PAPOLB: variants seen among roughly 807,000 people sequenced by gnomAD.
PAPOLB encodes poly(A) polymerase beta.
In PAPOLB, 19 loss-of-function variants were observed where a neutral mutation model predicts 23.2. The observed-to-expected ratio is 0.82, with a 90% CI of 0.57 to 1.20. The LOEUF (loss-of-function observed/expected upper bound fraction) is 1.20, where lower values mean the gene tolerates loss of function less well. Ranked by LOEUF, PAPOLB falls within the 50% of genes most tolerant of loss-of-function variation. The probability of loss-of-function intolerance (pLI) is 0.00; values close to 1 mark genes in which losing one functional copy is unlikely to be tolerated. For synonymous variants in PAPOLB, 360 were observed against 290.7 expected, an observed-to-expected ratio of 1.24 and a Z score of -2.43; for missense variants, 822 against 776.8, an observed-to-expected ratio of 1.06 and a Z score of -0.69.
Position 4,861,508 on chromosome 7 carries a change from A to C in PAPOLB, c.303T>G (p.Phe101Leu). The C allele has an allele frequency of 6.2e-7, 1 of 1,614,088 alleles. No homozygotes were observed. The change falls in exon 1 of 1, where the codon TTT (phenylalanine) becomes TTG (leucine). Residue 101 changes from phenylalanine to leucine, a missense_variant. By Grantham distance (22) the Phe-to-Leu change is conservative (BLOSUM62 0). Transcript: ENST00000404991. The part of the protein sequence containing the change: ...IENVGGKIFT[F>L]GSYRLGVHTK... ...TATGTACTCCTAATCTGTAAGAGCC[A>C]AACGTAAAAATCTTTCCTCCAACGT...
rs956413877 is a variant in PAPOLB at position 4,862,028 on chromosome 7, C to A, written c.-218G>T. The A allele has an allele frequency of 2.2e-5, 9 of 415,602 alleles. No individual in the cohort carries two copies. In the Admixed American group the frequency reaches 3.3e-4, roughly 15 times the overall value. The allele number at this position is 415,602 out of a possible 1,614,324, so 25.7% of individuals were successfully genotyped here. On this transcript the variant is annotated 5_prime_UTR_variant, in exon 1 of 1. Coordinates refer to ENST00000404991, the MANE Select transcript of PAPOLB (RefSeq NM_020144.5). Reference sequence around the variant, plus strand: ...ACCCCTCAGCGGCTGCGTTCCAGAACCTACCGTACACGCGCGGGCGCCTGC... The same window carrying A: ...ACCCCTCAGCGGCTGCGTTCCAGAAACTACCGTACACGCGCGGGCGCCTGC...
At position 4,860,881 on chromosome 7, in the gene PAPOLB, C is replaced by CCT; in HGVS notation, c.928_929dup (p.Tyr311GlyfsTer29). On this transcript the variant is annotated frameshift_variant, in exon 1 of 1. Transcript: ENST00000404991. LOFTEE classifies it high-confidence loss of function. ...GTGTGATGATAGGCATAAGATGGTACCTATCACTGGGATTTACTCTTGGGT... is the reference window on the plus strand; with the variant it reads ...GTGTGATGATAGGCATAAGATGGTACCTCTATCACTGGGATTTACTCTTGGGT... The CCT allele has an allele frequency of 6.2e-7, 1 of 1,614,156 alleles. No individual in the cohort carries two copies. Among genetic ancestry groups the CCT allele is most frequent in the Non-Finnish European group, 8.5e-7 (1 of 1,180,032 alleles).
chr7:4,861,052 T>C lies in PAPOLB; in HGVS notation c.759A>G (p.Leu253=), dbSNP rs145411847. The stretch of plus-strand genomic sequence containing the variant: ...GATAAAGCTGACAAGTTCTTGCTAC[T>C]AGCATGGCCCAGGAAACACCTCCGA... ...GFLGGVSWAM[L]VARTCQLYPN... is the part of the protein sequence containing the mutation. Residue 253 remains leucine (L), a synonymous_variant, in exon 1 of 1, where the codon CTA becomes CTG. Transcript: ENST00000404991. 8.0e-4 allele frequency: 1,294 copies of C among 1,614,204 alleles called. 11 individuals are homozygous for C. In the African/African-American group the frequency reaches 0.014, roughly 17 times the overall value.
chr7:4,860,974 T>C lies in PAPOLB; in HGVS notation c.837A>G (p.Glu279=), dbSNP rs1047476283. ...GTAACACTGGGTTTGGCCATTCCCA[T>C]TCTGAAAATACCAAGAAGAATTTCC... ...LVRKFFLVFS[E]WEWPNPVLLK... The change falls in exon 1 of 1, where the codon GAA becomes GAG. Residue 279 remains glutamate, a synonymous_variant. Transcript: ENST00000404991. The C allele has an allele frequency of 6.2e-7, 1 of 1,614,228 alleles. No individual in the cohort carries two copies. Among genetic ancestry groups the C allele is most frequent in the Non-Finnish European group, 8.5e-7 (1 of 1,180,044 alleles).
Position 4,861,813 on chromosome 7 carries a change from T to A in PAPOLB, c.-3A>T. 7.4e-7 allele frequency: 1 copy of A among 1,348,314 alleles called. No homozygotes were observed. The highest frequency in any genetic ancestry group is 9.5e-7 in the Non-Finnish European group (1 of 1,054,174). The allele number at this position is 1,348,314 out of a possible 1,614,324, so 83.5% of individuals were successfully genotyped here. On this transcript the variant is annotated 5_prime_UTR_variant, in exon 1 of 1. Coordinates refer to ENST00000404991, the MANE Select transcript of PAPOLB (RefSeq NM_020144.5). ...GTTGTCACCGGAAACGGCATCATCT[T>A]TCAGCGCCCGCCCCGCCAGGGCACG...
Position 4,859,842 on chromosome 7 carries a change from T to A in PAPOLB, c.*55A>T. 1 of 1,127,152 alleles carries A rather than the reference T, an allele frequency of 8.9e-7. No homozygotes were observed. The highest frequency in any genetic ancestry group is 2.4e-5 in the East Asian group (1 of 42,386). 69.8% of individuals were successfully genotyped at this position (1,127,152 alleles called of 1,614,324 possible). A position where few individuals can be genotyped will look rare whatever the true frequency, so the allele number is the denominator to read the frequency against. ...TGTATTGAGTTTCTCCTCTTCCGTT[T>A]TGGTTTTCTTGGTCCTTTCTTCTTT... On this transcript the variant is annotated 3_prime_UTR_variant, in exon 1 of 1. Coordinates refer to ENST00000404991, the MANE Select transcript of PAPOLB (RefSeq NM_020144.5).
Position 4,861,868 on chromosome 7 carries a change from C to T in PAPOLB, c.-58G>A. 2 of 1,242,850 alleles carry T rather than the reference C, an allele frequency of 1.6e-6. No individual in the cohort carries two copies. Among genetic ancestry groups the T allele is most frequent in the South Asian group, 1.9e-5 (1 of 53,062 alleles). The allele number at this position is 1,242,850 out of a possible 1,614,324, so 77.0% of individuals were successfully genotyped here. ...CCACCACCGCGACCTTCGCGGCCGC[C>T]GCCCGGGTCATGATCCGCTGAGGCG... On this transcript the variant is annotated 5_prime_UTR_variant, in exon 1 of 1. Transcript: ENST00000404991.
At position 4,861,263 on chromosome 7, in the gene PAPOLB, A is replaced by C; in HGVS notation, c.548T>G (p.Leu183Trp). Residue 183 changes from leucine (L) to tryptophan (W), a missense_variant, in exon 1 of 1, where the codon TTG (leucine) becomes TGG (tryptophan). Physicochemically the swap from Leu to Trp is moderately conservative, Grantham distance 61. This residue lies in a region of PAPOLB where 276 missense variants were observed against 243.9 expected (regional missense o/e 1.13). Transcript: ENST00000404991. ...RLALQTIPED[L>W]DLRDDSLLKN... is the part of the protein sequence containing the mutation. Reference sequence around the variant, plus strand: ...AAGTAGACTGTCATCTCTTAAGTCCAAATCTTCTGGAATAGTCTGTAGTGC... The same window carrying C: ...AAGTAGACTGTCATCTCTTAAGTCCCAATCTTCTGGAATAGTCTGTAGTGC... 6.8e-6 allele frequency: 11 copies of C among 1,614,162 alleles called. No individual in the cohort carries two copies. Among genetic ancestry groups the C allele is most frequent in the Non-Finnish European group, 7.6e-6 (9 of 1,179,988 alleles).
rs1160961865 is a variant in PAPOLB, at chr7:4,859,806, G to T, written c.*91C>A. ...CTGTCTGAATTTTTCTAATGGAGTTGTACTTGTCTTTGTATTGAGTTTCTC... is the reference window on the plus strand; with the variant it reads ...CTGTCTGAATTTTTCTAATGGAGTTTTACTTGTCTTTGTATTGAGTTTCTC... On this transcript the variant is annotated 3_prime_UTR_variant, in exon 1 of 1. Transcript: ENST00000404991. The T allele has an allele frequency of 2.7e-6, 2 of 749,854 alleles. No individual in the cohort carries two copies. Among genetic ancestry groups the T allele is most frequent in the Admixed American group, 5.5e-5 (2 of 36,648 alleles). The allele number at this position is 749,854 out of a possible 1,614,324, so 46.5% of individuals were successfully genotyped here. A position where few individuals can be genotyped will look rare whatever the true frequency, so the allele number is the denominator to read the frequency against.
In PAPOLB at chr7:4,860,290, T is replaced by C; in HGVS notation, c.1521A>G (p.Lys507=). 6.2e-7 allele frequency: 1 copy of C among 1,613,942 alleles called. No individual in the cohort carries two copies. Among genetic ancestry groups the C allele is most frequent in the South Asian group, 1.1e-5 (1 of 91,084 alleles). ...LLPHHVLQDK[K]AHSTEGRRLT... ...ATCTTCTACCTTCTGTTGAGTGTGC[T>C]TTCTTGTCCTGAAGCACATGATGAG... Residue 507 remains lysine, a synonymous_variant, in exon 1 of 1, where the codon AAA becomes AAG. Coordinates refer to ENST00000404991, the MANE Select transcript of PAPOLB (RefSeq NM_020144.5).
At position 4,860,134 on chromosome 7, in the gene PAPOLB, G is replaced by A. The variant is rs1484866476; in HGVS notation, c.1677C>T (p.Ala559=). 1 of 1,613,970 alleles carries A rather than the reference G, an allele frequency of 6.2e-7. No individual in the cohort carries two copies. The change falls in exon 1 of 1, where the codon GCC becomes GCT. Residue 559 remains alanine (A), a synonymous_variant. Transcript: ENST00000404991. ...ISSSQGRNSP[A]LAVMTASVAN... The stretch of plus-strand genomic sequence containing the variant: ...CCACAGATGCTGTCATTACAGCCAA[G>A]GCAGGACTGTTTCTACCCTGAGAAC...
Position 4,861,418 on chromosome 7 carries a change from G to A in PAPOLB, c.393C>T (p.Phe131=), listed in dbSNP as rs766581708. Residue 131 remains phenylalanine, a synonymous_variant, in exon 1 of 1, where the codon TTC becomes TTT. Coordinates refer to ENST00000404991, the MANE Select transcript of PAPOLB (RefSeq NM_020144.5). ...GTTTCAGTTTAGCATAGAATGAGGTGAAAAAGTCGCTTCGATCCACATGAC... is the reference window on the plus strand; with the variant it reads ...GTTTCAGTTTAGCATAGAATGAGGTAAAAAAGTCGCTTCGATCCACATGAC... ...APSHVDRSDF[F]TSFYAKLKLQ... The A allele has an allele frequency of 5.0e-6, 8 of 1,613,998 alleles. No homozygotes were observed. Among genetic ancestry groups the A allele is most frequent in the African/African-American group, 1.3e-5 (1 of 74,938 alleles).
At position 4,860,769 on chromosome 7, in the gene PAPOLB, T is replaced by A; in HGVS notation, c.1042A>T (p.Ile348Phe). The A allele has an allele frequency of 6.2e-7, 1 of 1,614,218 alleles. No individual in the cohort carries two copies. The highest frequency in any genetic ancestry group is 1.1e-5 in the South Asian group (1 of 91,082). ...TTACTTAGCAAAATCTCGTGTGTGA[T>A]AGCAAGCCCCTGTTTAAACTCCTCA... ...MIEEFKQGLAITHEILLSKAE... is the reference protein window; with the variant it reads ...MIEEFKQGLAFTHEILLSKAE... Residue 348 changes from isoleucine (I) to phenylalanine (F), a missense_variant, in exon 1 of 1, where the codon ATC becomes TTC. Transcript: ENST00000404991.
chr7:4,859,696 G>T lies in PAPOLB; in HGVS notation c.*201C>A. ...ATTCAACCTGTTTTACTGAATTCTT[G>T]ATAACAGGAATTGGATTTGCAGGGA... On this transcript the variant is annotated 3_prime_UTR_variant, in exon 1 of 1. Coordinates refer to ENST00000404991, the MANE Select transcript of PAPOLB (RefSeq NM_020144.5). 1.7e-6 allele frequency: 1 copy of T among 579,374 alleles called. No individual in the cohort carries two copies. The highest frequency in any genetic ancestry group is 3.1e-6 in the Non-Finnish European group (1 of 326,704). The allele number at this position is 579,374 out of a possible 1,614,324, so 35.9% of individuals were successfully genotyped here.
In PAPOLB at chr7:4,858,956, A is replaced by G. The variant is rs1218628963; in HGVS notation, c.*941T>C. The G allele has an allele frequency of 6.6e-6, 1 of 152,242 alleles. No homozygotes were observed. Among genetic ancestry groups the G allele is most frequent in the African/African-American group, 2.4e-5 (1 of 41,472 alleles). The allele number at this position is 152,242 out of a possible 1,614,324, so 9.4% of individuals were successfully genotyped here. A position where few individuals can be genotyped will look rare whatever the true frequency, so the allele number is the denominator to read the frequency against. On this transcript the variant is annotated 3_prime_UTR_variant, in exon 1 of 1. Coordinates refer to ENST00000404991, the MANE Select transcript of PAPOLB (RefSeq NM_020144.5). ...GAGGACAAGAGAATATGGAGCTTTG[A>G]TAGCTCAAAGAAAATGTTTGATTGC...
rs185455014 is a variant in PAPOLB at position 4,860,769 on chromosome 7, T to C, written c.1042A>G (p.Ile348Val). The change falls in exon 1 of 1, where the codon ATC becomes GTC. Residue 348 changes from isoleucine to valine, a missense_variant. Ile to Val is a conservative substitution (Grantham distance 29, BLOSUM62 3). This residue lies in a region of PAPOLB where 534 missense variants were observed against 502.8 expected (regional missense o/e 1.06). Transcript: ENST00000404991. ...TTACTTAGCAAAATCTCGTGTGTGA[T>C]AGCAAGCCCCTGTTTAAACTCCTCA... The part of the protein sequence containing the change: ...MIEEFKQGLA[I>V]THEILLSKAE... 13 of 1,614,218 alleles carry C rather than the reference T, an allele frequency of 8.1e-6. No individual in the cohort carries two copies. Among genetic ancestry groups the C allele is most frequent in the Admixed American group, 1.7e-5 (1 of 60,026 alleles).
rs1425683801 is a variant in PAPOLB, at chr7:4,860,039, T to C, written c.1772A>G (p.Asn591Ser). 1 of 1,613,888 alleles carries C rather than the reference T, an allele frequency of 6.2e-7. No individual in the cohort carries two copies. Among genetic ancestry groups the C allele is most frequent in the East Asian group, 2.2e-5 (1 of 44,894 alleles). ...NTNESSGVAL[N>S]ESIPHAVSQP... ...AGAGACAGCGTGAGGAATACTTTCG[T>C]TTAATGCAACCCCTGAACTTTCATT... The change falls in exon 1 of 1, where the codon AAC (asparagine) becomes AGC (serine). Residue 591 changes from asparagine to serine, a missense_variant. By Grantham distance (46) the Asn-to-Ser change is conservative. Coordinates refer to ENST00000404991, the MANE Select transcript of PAPOLB (RefSeq NM_020144.5).
chr7:4,861,941 C>A lies in PAPOLB; in HGVS notation c.-131G>T. ...CCTGGTCCGACCCCACTCCCACTCCCGCTGCGCGCCCGCCGCTTCAGGAGC... is the reference window on the plus strand; with the variant it reads ...CCTGGTCCGACCCCACTCCCACTCCAGCTGCGCGCCCGCCGCTTCAGGAGC... On this transcript the variant is annotated 5_prime_UTR_variant, in exon 1 of 1. Coordinates refer to ENST00000404991, the MANE Select transcript of PAPOLB (RefSeq NM_020144.5). 2.0e-6 allele frequency: 1 copy of A among 505,820 alleles called. No homozygotes were observed. Among genetic ancestry groups the A allele is most frequent in the Non-Finnish European group, 3.3e-6 (1 of 305,058 alleles). The allele number at this position is 505,820 out of a possible 1,614,324, so 31.3% of individuals were successfully genotyped here.
In PAPOLB at chr7:4,858,739, A is replaced by G. The variant is rs1783897510; in HGVS notation, c.*1158T>C. ...ACATTACATTTAGTAAAGTTTTGCT[A>G]AAATGTGGTGTTTCATCATAACCAA... On this transcript the variant is annotated 3_prime_UTR_variant, in exon 1 of 1. Coordinates refer to ENST00000404991, the MANE Select transcript of PAPOLB (RefSeq NM_020144.5). 6.6e-6 allele frequency: 1 copy of G among 152,496 alleles called. No homozygotes were observed. The highest frequency in any genetic ancestry group is 2.4e-5 in the African/African-American group (1 of 41,440). 9.4% of individuals were successfully genotyped at this position (152,496 alleles called of 1,614,324 possible).
Sources: gnomAD v4.1 joint callset for allele counts on GRCh38, gnomAD v4.1.1 for gene constraint, gnomAD v4.1.1 regional missense constraint, MANE v1.5 for transcripts, NCBI Gene and HGNC (gene_info 2026-07-23, HGNC 2026-07-21) for gene names.